The following SMYD3 variants were observed in gnomAD, a reference collection of about 807,000 sequenced individuals.
The protein encoded by SMYD3 is histone-lysine N-methyltransferase SMYD3.
A neutral mutation model predicts 57.7 loss-of-function variants in SMYD3; 36 were observed. That is an observed-to-expected ratio of 0.62 (90% CI 0.48 to 0.82). The LOEUF (loss-of-function observed/expected upper bound fraction) is 0.82. Ranked by LOEUF, SMYD3 falls within the 40% of genes least tolerant of loss-of-function variation. The pLI is 0.00. For synonymous variants in SMYD3, 211 were observed against 195.0 expected (o/e 1.08, Z -0.68); for missense variants, 515 against 538.8 (o/e 0.96, Z 0.44).
intron 5 of SMYD3, among the ~76,000 whole-genome samples, chr1:246,132,475 C>T (rs2061603010): frequency 6.6e-6 from 1 of 152,020 alleles, no homozygotes; most frequent in Non-Finnish European, 1.5e-5. Flanking sequence ...TGGATGCTTA[C>T]GTTACACCAT....
intron 1 of SMYD3, among the ~76,000 whole-genome samples, chr1:246,378,177 C>T (rs1436872096): frequency 6.6e-6 from 1 of 152,192 alleles, no homozygotes; most frequent in African/African-American, 2.4e-5. Flanking sequence ...TATTTCACAA[C>T]TAGGCACTAT....
chr1:245,843,977 T>G (rs1432808299), intron 10 of SMYD3, among the ~76,000 whole-genome samples: 1 of 152,174 alleles, frequency 6.6e-6, no homozygotes, highest in African/African-American at 2.4e-5. Flanking sequence ...CTTCCAACGA[T>G]GGAGTGTTGG....
At chr1:246,502,135 C>CCT (rs2068464926) in intron 1 of SMYD3, among the ~76,000 whole-genome samples, 1 of 145,914 alleles carries the variant, frequency 6.9e-6, no homozygotes. Flanking sequence ...ATGCAGCTGC[C>CCT]TTTTTTTTTT....
intron 1 of SMYD3, among the ~76,000 whole-genome samples, chr1:246,363,576 A>G (rs1195586751): frequency 7.2e-5 from 11 of 152,262 alleles, no homozygotes; most frequent in Admixed American, 7.2e-4. Flanking sequence ...TTCTGTACTA[A>G]GAAAAACTCT....
chr1:246,346,100 C>T (rs893805579), intron 2 of SMYD3, among the ~76,000 whole-genome samples: 7 of 152,052 alleles, frequency 4.6e-5, no homozygotes, highest in African/African-American at 7.2e-5. Context: ...CTGGCTAACA[C>T]GGTAACACCC....
At chr1:245,764,744 G>T (rs1194334844) in intron 10 of SMYD3, among the ~76,000 whole-genome samples, 1 of 151,946 alleles carries the variant, frequency 6.6e-6, no homozygotes, top group Admixed American at 6.6e-5. Context: ...CACCCCATCT[G>T]CGTTCTCCAT....
chr1:245,941,432 G>A (rs544160048), intron 5 of SMYD3, among the ~76,000 whole-genome samples: 13 of 152,288 alleles, frequency 8.5e-5, no homozygotes, highest in African/African-American at 3.1e-4. Flanking sequence ...GCCAGGTCAC[G>A]TACAAAGGGA....
At chr1:246,142,028 A>G (rs1009038089) in intron 5 of SMYD3, among the ~76,000 whole-genome samples, 8 of 152,220 alleles carry the variant, frequency 5.3e-5, no homozygotes, top group Admixed American at 3.9e-4. Context: ...ATCAGGCATC[A>G]CCGGCCTTGA....
intron 8 of SMYD3, 25 bp from the exon 9 acceptor site, chr1:245,863,911 A>C: frequency 6.2e-7 from 1 of 1,607,168 alleles, no homozygotes; most frequent in Non-Finnish European, 8.5e-7. Context: ...AAAGGAAGAC[A>C]AATAATCTAA....
At chr1:245,768,911 C>T (rs900085511) in intron 10 of SMYD3, among the ~76,000 whole-genome samples, 1 of 152,224 alleles carries the variant, frequency 6.6e-6, no homozygotes, top group Middle Eastern at 3.4e-3. Context: ...AAATTCTGTT[C>T]TTGGTGAATT....
intron 5 of SMYD3, among the ~76,000 whole-genome samples, chr1:246,274,927 A>C (rs2148555969): frequency 6.6e-6 from 1 of 152,284 alleles, no homozygotes; most frequent in Middle Eastern, 3.4e-3. Context: ...TTACAATCGT[A>C]TTTTTATGCA....
chr1:246,497,221 T>C (rs932410032), intron 1 of SMYD3, among the ~76,000 whole-genome samples: 1 of 152,244 alleles, frequency 6.6e-6, no homozygotes, highest in Non-Finnish European at 1.5e-5. Context: ...AAACATAGGT[T>C]TCGACTCTTA....
At chr1:246,468,388 C>G (rs1373578062) in intron 1 of SMYD3, among the ~76,000 whole-genome samples, 1 of 151,746 alleles carries the variant, frequency 6.6e-6, no homozygotes, top group Non-Finnish European at 1.5e-5. Flanking sequence ...CATCTGTAAT[C>G]CCAGAACTCT....
intron 2 of SMYD3, among the ~76,000 whole-genome samples, chr1:246,350,914 G>C (rs1020883183): frequency 1.3e-5 from 2 of 152,342 alleles, no homozygotes; most frequent in African/African-American, 4.8e-5. Context: ...TGTGTTGACA[G>C]TTAGATACAA....
chr1:246,354,913 A>G, intron 2 of SMYD3, 118 bp downstream of exon 2: 1 of 863,248 alleles, frequency 1.2e-6, no homozygotes, highest in South Asian at 1.6e-5. Flanking sequence ...GGTGAATAAC[A>G]AGTAAAAGTA....
intron 10 of SMYD3, among the ~76,000 whole-genome samples, chr1:245,802,457 C>G (rs2047916979): frequency 6.6e-6 from 1 of 152,216 alleles, no homozygotes; most frequent in South Asian, 2.1e-4. Flanking sequence ...CAACTAATTT[C>G]ATTTTATTCA....
chr1:246,403,124 A>G (rs1338019866), intron 1 of SMYD3, among the ~76,000 whole-genome samples: 2 of 152,170 alleles, frequency 1.3e-5, no homozygotes, highest in African/African-American at 4.8e-5. Flanking sequence ...GTGATCCTGG[A>G]CTACATGGCT....
chr1:245,938,088 G>T (rs1326001372), intron 5 of SMYD3, among the ~76,000 whole-genome samples: 1 of 152,212 alleles, frequency 6.6e-6, no homozygotes, highest in African/African-American at 2.4e-5. Context: ...GCGTGCTGAG[G>T]TTCCTTTCAC....
chr1:245,874,678 A>C (rs564652312), intron 8 of SMYD3, among the ~76,000 whole-genome samples: 1 of 152,224 alleles, frequency 6.6e-6, no homozygotes, highest in South Asian at 2.1e-4. Flanking sequence ...TGTTCGAGGG[A>C]AAGAAATTAC....
Sources: allele counts gnomAD v4.1 joint callset (sites outside exome capture counted in the v4.1 genomes callset), GRCh38; gene constraint gnomAD v4.1.1; transcripts MANE v1.5; gene names NCBI Gene and HGNC (gene_info 2026-07-23, HGNC 2026-07-21).